KIF13A: variants seen among roughly 807,000 people sequenced by gnomAD.
KIF13A encodes the protein kinesin-like protein KIF13A.
A neutral mutation model predicts 212.2 loss-of-function variants in KIF13A; 79 were observed. The ratio of observed to expected loss-of-function variants is 0.37; its 90% CI spans 0.31 to 0.45. The LOEUF (loss-of-function observed/expected upper bound fraction) is 0.45, where lower values mean the gene tolerates loss of function less well. Ranked by LOEUF, KIF13A falls within the 20% of genes least tolerant of loss-of-function variation. The probability of loss-of-function intolerance (pLI) is 1.00; values close to 1 mark genes in which losing one functional copy is unlikely to be tolerated. For synonymous variants in KIF13A, 789 were observed against 808.6 expected (o/e 0.98, Z 0.41); for missense variants, 1,901 against 2,209.0 (o/e 0.86, Z 2.79).
intron 2 of KIF13A, among the ~76,000 whole-genome samples, chr6:17,927,311 C>T (rs1203254556): frequency 6.6e-6 from 1 of 152,088 alleles, no homozygotes; most frequent in Non-Finnish European, 1.5e-5. Context: ...GGGGTATATA[C>T]TACAATGGAA....
chr6:17,794,423 G>C lies in KIF13A; in HGVS notation c.3076-28C>G, dbSNP rs757040529. 6.2e-5 allele frequency: 99 copies of C among 1,595,842 alleles called. No homozygotes were observed. The highest frequency in any genetic ancestry group is 8.3e-5 in the Non-Finnish European group (97 of 1,167,718). On this transcript the variant is annotated intron_variant, in intron 24 of 38. Transcript: ENST00000259711. This position sits in a 1 kb window ranked among gnomAD's most constrained non-coding sequence, Gnocchi z 4.1. ...GAAGAGGGTGGGGAGGAGTATGGGT[G>C]CCAGGAATGATAATGAAAAGGAACG...
chr6:17,933,918 G>A (rs560260203), intron 2 of KIF13A, among the ~76,000 whole-genome samples: 4 of 152,260 alleles, frequency 2.6e-5, no homozygotes, highest in African/African-American at 7.2e-5. Context: ...CTCCTGGAGC[G>A]CCTTTCAAAC....
rs1377781774 is a variant in KIF13A at position 17,871,885 on chromosome 6, T to C, written c.220+1492A>G. 6.6e-6 allele frequency among the ~76,000 whole-genome samples: 1 copy of C among 152,240 alleles called. No individual in the cohort carries two copies. Among genetic ancestry groups the C allele is most frequent in the Non-Finnish European group, 1.5e-5 (1 of 68,040 alleles). The stretch of plus-strand genomic sequence containing the variant: ...ACCATAGCATTTATCCCCATTTGTC[T>C]CTGCATCTGTAGGAAATGTTTTACT... On this transcript the variant is annotated intron_variant, in intron 4 of 38. Coordinates refer to ENST00000259711, the MANE Select transcript of KIF13A (RefSeq NM_022113.6). This position sits in a 1 kb window ranked among gnomAD's most constrained non-coding sequence, Gnocchi z 4.4.
Position 17,804,389 on chromosome 6 carries a change from G to A in KIF13A, c.2426C>T (p.Ala809Val). ...CLFCDVKLQYAVPIISQQGEV... is the reference protein window; with the variant it reads ...CLFCDVKLQYVVPIISQQGEV... ...CCCCTGCTGGCTGATGATAGGGACT[G>A]CATACTGAAGTTTCACATCACAGAA... The change falls in exon 20 of 39, where the codon GCA (alanine) becomes GTA (valine). Residue 809 changes from alanine to valine, a missense_variant. Transcript: ENST00000259711. 1.9e-6 allele frequency: 3 copies of A among 1,552,726 alleles called. No individual in the cohort carries two copies. Among genetic ancestry groups the A allele is most frequent in the Non-Finnish European group, 2.6e-6 (3 of 1,147,310 alleles).
In KIF13A at chr6:17,776,248, T is replaced by A. The variant is rs1201155813; in HGVS notation, c.4170+1029A>T. Among the ~76,000 whole-genome samples the A allele has an allele frequency of 6.6e-6, 1 of 152,186 alleles. No homozygotes were observed. Among genetic ancestry groups the A allele is most frequent in the Non-Finnish European group, 1.5e-5 (1 of 68,030 alleles). ...TACTTTTTAATATAAGAGCTATATATTTCCTAATAGTAGCCCTCACTCTCT... is the reference window on the plus strand; with the variant it reads ...TACTTTTTAATATAAGAGCTATATAATTCCTAATAGTAGCCCTCACTCTCT... On this transcript the variant is annotated intron_variant, in intron 34 of 38. Transcript: ENST00000259711. The surrounding 1 kb of genome is among the most constrained non-coding windows in gnomAD (Gnocchi z 4.6).
chr6:17,766,633 C>T (rs9477521), intron 38 of KIF13A, among the ~76,000 whole-genome samples: 2,141 of 152,152 alleles, frequency 0.014, 59 homozygotes, highest in African/African-American at 0.047. Flanking sequence ...TAGCTCACTG[C>T]AGCCTCAAAC....
At chr6:17,950,537 C>A in intron 2 of KIF13A, 1 of 985,304 alleles carries the variant, frequency 1.0e-6, no homozygotes. Context: ...ACACACATTC[C>A]TTTCTTATAC....
intron 2 of KIF13A, among the ~76,000 whole-genome samples, chr6:17,933,814 T>C (rs1776217029): frequency 6.6e-6 from 1 of 152,168 alleles, no homozygotes; most frequent in Non-Finnish European, 1.5e-5. Context: ...AATGCCTTTC[T>C]TCTAATGGGA....
chr6:17,863,830 TA>T (rs1769095518), intron 4 of KIF13A, among the ~76,000 whole-genome samples: 1 of 152,212 alleles, frequency 6.6e-6, no homozygotes, highest in Admixed American at 6.5e-5. Context: ...TGTTCACTTC[TA>T]TTTTTTAAAC....
At position 17,918,050 on chromosome 6, in the gene KIF13A, T is replaced by C. The variant is rs902637976; in HGVS notation, c.147-19870A>G. Among the ~76,000 whole-genome samples, 2 of 152,054 alleles carry C rather than the reference T, an allele frequency of 1.3e-5. No homozygotes were observed. Among genetic ancestry groups the C allele is most frequent in the African/African-American group, 2.4e-5 (1 of 41,432 alleles). ...TCCTCGTGGCACCTGTTGCACTTTC[T>C]CGGAGTCATGGTTTGTTGTCTGTCT... is the stretch of plus-strand genomic sequence containing the variant. On this transcript the variant is annotated intron_variant, in intron 2 of 38. Coordinates refer to ENST00000259711, the MANE Select transcript of KIF13A (RefSeq NM_022113.6). This position sits in a 1 kb window ranked among gnomAD's most constrained non-coding sequence, Gnocchi z 4.8.
intron 9 of KIF13A, among the ~76,000 whole-genome samples, chr6:17,844,825 G>C (rs1204250626): frequency 6.6e-6 from 1 of 152,084 alleles, no homozygotes; most frequent in South Asian, 2.1e-4. Context: ...CTTGAGTAAT[G>C]GACAGAAGTA....
chr6:17,886,460 A>G lies in KIF13A; in HGVS notation c.159+11708T>C, dbSNP rs1771550575. 6.6e-6 allele frequency among the ~76,000 whole-genome samples: 1 copy of G among 152,186 alleles called. No homozygotes were observed. Among genetic ancestry groups the G allele is most frequent in the African/African-American group, 2.4e-5 (1 of 41,462 alleles). ...CTGCGGCTGACTCGGGCCAAGTGGG[A>G]GCCAAGAGACTCCCTGGTCCAGAAG... is the stretch of plus-strand genomic sequence containing the variant. On this transcript the variant is annotated intron_variant, in intron 3 of 38. Transcript: ENST00000259711. The surrounding 1 kb of genome is among the most constrained non-coding windows in gnomAD (Gnocchi z 5.6).
rs531972338 is a variant in KIF13A, at chr6:17,832,785, G to T, written c.1266+1176C>A. 3.1e-3 allele frequency among the ~76,000 whole-genome samples: 475 copies of T among 152,018 alleles called. 7 individuals are homozygous for T. Among genetic ancestry groups the T allele is most frequent in the African/African-American group, 0.011 (465 of 41,440 alleles). On this transcript the variant is annotated intron_variant, in intron 12 of 38. Transcript: ENST00000259711. ...CTAGCACTTTGGGAGGCTAAGGTGG[G>T]TGGATTGCCTGAGCTCAGGAGTTTG...
At chr6:17,955,861 C>T (rs1778314725) in intron 2 of KIF13A, among the ~76,000 whole-genome samples, 1 of 152,138 alleles carries the variant, frequency 6.6e-6, no homozygotes, top group Non-Finnish European at 1.5e-5. Context: ...TACATTTTTG[C>T]CTAAATACAT....
chr6:17,821,019 G>T (rs1216655464), intron 16 of KIF13A, among the ~76,000 whole-genome samples: 5 of 152,150 alleles, frequency 3.3e-5, no homozygotes, highest in African/African-American at 1.2e-4. Context: ...CCCCTTAATT[G>T]TTCTTTATTT....
At position 17,895,317 on chromosome 6, in the gene KIF13A, G is replaced by C. The variant is rs1467822310; in HGVS notation, c.159+2851C>G. Among the ~76,000 whole-genome samples the C allele has an allele frequency of 1.3e-5, 2 of 152,104 alleles. No individual in the cohort carries two copies. Among genetic ancestry groups the C allele is most frequent in the Non-Finnish European group, 2.9e-5 (2 of 68,018 alleles). On this transcript the variant is annotated intron_variant, in intron 3 of 38. Transcript: ENST00000259711. The surrounding 1 kb of genome is among the most constrained non-coding windows in gnomAD (Gnocchi z 4.4). Reference sequence around the variant, plus strand: ...TCTTGTTCATGTCACATCTTGTCATGTACCTCCTTAACTTTGATGGTGTAT... The same window carrying C: ...TCTTGTTCATGTCACATCTTGTCATCTACCTCCTTAACTTTGATGGTGTAT...
At chr6:17,820,693 A>G (rs1423101480) in intron 16 of KIF13A, among the ~76,000 whole-genome samples, 1 of 152,200 alleles carries the variant, frequency 6.6e-6, no homozygotes, top group Non-Finnish European at 1.5e-5. Context: ...ATCTCAAAGA[A>G]GTAAGTATTT....
At chr6:17,977,684 ATTTGT>A (rs781587398) in intron 2 of KIF13A, among the ~76,000 whole-genome samples, 86 of 152,234 alleles carry the variant, frequency 5.6e-4, no homozygotes, top group Non-Finnish European at 8.8e-4. Context: ...AGAATAACTG[ATTTGT>A]TTTTATTTGT....
At chr6:17,865,009 C>T (rs905142304) in intron 4 of KIF13A, among the ~76,000 whole-genome samples, 2 of 152,086 alleles carry the variant, frequency 1.3e-5, no homozygotes, top group East Asian at 3.9e-4. Context: ...TGAAGAGGCA[C>T]AGGATAAAAG....
Sources: gnomAD v4.1 joint callset for allele counts (sites outside exome capture counted in the v4.1 genomes callset) on GRCh38, gnomAD v4.1.1 for gene constraint, Gnocchi (gnomAD v3.1) non-coding constraint, MANE v1.5 for transcripts, NCBI Gene and HGNC (gene_info 2026-07-23, HGNC 2026-07-21) for gene names.